The following PTDSS2 variants were observed in gnomAD, a reference collection of about 807,000 sequenced individuals.
PTDSS2 encodes PSS-2.
A neutral mutation model predicts 64.7 loss-of-function variants in PTDSS2; 41 were observed. The ratio of observed to expected loss-of-function variants is 0.63; its 90% CI spans 0.49 to 0.82. The LOEUF (loss-of-function observed/expected upper bound fraction) is 0.82. Ranked by LOEUF, PTDSS2 falls within the 40% of genes least tolerant of loss-of-function variation. The probability of loss-of-function intolerance (pLI) is 0.00; values close to 1 mark genes in which losing one functional copy is unlikely to be tolerated. For missense variants in PTDSS2, 485 were observed against 650.0 expected (o/e 0.75, Z 2.76); for synonymous variants, 297 against 277.8 (o/e 1.07, Z -0.69).
chr11:454,192 T>A (rs1846479385), intron 1 of PTDSS2, among the ~76,000 whole-genome samples: 1 of 152,204 alleles, frequency 6.6e-6, no homozygotes, highest in Non-Finnish European at 1.5e-5. Context: ...TGTGTCCTCC[T>A]GCAGGGCTGC....
At chr11:467,707 C>T (rs1014896578) in intron 2 of PTDSS2, among the ~76,000 whole-genome samples, 4 of 151,922 alleles carry the variant, frequency 2.6e-5, no homozygotes, top group South Asian at 4.1e-4. Flanking sequence ...CACTCCAGCC[C>T]GGGCAACAGT....
upstream of PTDSS2, among the ~76,000 whole-genome samples, chr11:450,088 G>A (rs1286523860): frequency 6.6e-6 from 1 of 152,182 alleles, no homozygotes; most frequent in East Asian, 1.9e-4. Flanking sequence ...GGATGTCTGT[G>A]GTTACCTCCA....
intron 4 of PTDSS2, among the ~76,000 whole-genome samples, chr11:482,246 G>A (rs59229796): frequency 0.21 from 29,298 of 138,254 alleles, 3,210 homozygotes; most frequent in Middle Eastern, 0.3. Context: ...TTTTTGAGAC[G>A]GAGTCTTGCT....
chr11:478,538 G>C (rs1024785227), intron 3 of PTDSS2, among the ~76,000 whole-genome samples: 3 of 152,088 alleles, frequency 2.0e-5, no homozygotes, highest in African/African-American at 7.2e-5. Context: ...TCTGAGGTCA[G>C]GAGTTCGAGA....
intron 1 of PTDSS2, among the ~76,000 whole-genome samples, chr11:452,314 G>A (rs528785800): frequency 6.6e-5 from 10 of 152,268 alleles, no homozygotes; most frequent in Non-Finnish European, 1.3e-4. Context: ...TCTGGTGCAG[G>A]CATGGAACTT....
intron 2 of PTDSS2, among the ~76,000 whole-genome samples, chr11:473,627 C>T (rs796073473): frequency 1.7e-5 from 2 of 114,600 alleles, no homozygotes; most frequent in Non-Finnish European, 3.6e-5. Context: ...CAAATGTGAG[C>T]GCGAATGTCC....
At chr11:472,997 T>C (rs11825931) in intron 2 of PTDSS2, among the ~76,000 whole-genome samples, 56,847 of 152,026 alleles carry the variant, frequency 0.37, 11,371 homozygotes, top group African/African-American at 0.52. Context: ...AGAGGATGGG[T>C]GCATCCGAGC....
intron 4 of PTDSS2, among the ~76,000 whole-genome samples, chr11:486,029 C>T (rs1169948172): frequency 1.3e-5 from 2 of 151,330 alleles, no homozygotes; most frequent in African/African-American, 4.9e-5. Context: ...TCACCGTGTG[C>T]GCAGGCGAGT....
At position 470,055 on chromosome 11, in the gene PTDSS2, A is replaced by T. The variant is rs925302298; in HGVS notation, c.285-3840A>T. Reference sequence around the variant, plus strand: ...CCAACCTTCCCTGCAGAAGGTTTTCAGTAAATGAGGTAGATCCCCCCATTC... The same window carrying T: ...CCAACCTTCCCTGCAGAAGGTTTTCTGTAAATGAGGTAGATCCCCCCATTC... On this transcript the variant is annotated intron_variant, in intron 2 of 11. Transcript: ENST00000308020. This position sits in a 1 kb window ranked among gnomAD's most constrained non-coding sequence, Gnocchi z 5.3. 6.6e-6 allele frequency among the ~76,000 whole-genome samples: 1 copy of T among 152,248 alleles called. No individual in the cohort carries two copies. Among genetic ancestry groups the T allele is most frequent in the Non-Finnish European group, 1.5e-5 (1 of 68,034 alleles).
intron 4 of PTDSS2, among the ~76,000 whole-genome samples, chr11:484,853 G>A (rs1590678446): frequency 1.4e-5 from 2 of 146,992 alleles, no homozygotes; most frequent in East Asian, 2.0e-4. Context: ...CAGTGCACGG[G>A]TGCGTGTGCT....
At chr11:484,683 C>T (rs1170959265) in intron 4 of PTDSS2, among the ~76,000 whole-genome samples, 7 of 145,686 alleles carry the variant, frequency 4.8e-5, no homozygotes, top group South Asian at 2.1e-4. Context: ...ACTGCACGGG[C>T]GTGTGTGCTG....
chr11:482,785 A>G (rs1014461916), intron 4 of PTDSS2, among the ~76,000 whole-genome samples: 6 of 151,038 alleles, frequency 4.0e-5, no homozygotes, highest in Admixed American at 6.6e-5. Flanking sequence ...AGTTTTTCGT[A>G]GATCTCCCTA....
chr11:484,492 C>A (rs1848206389), intron 4 of PTDSS2, among the ~76,000 whole-genome samples: 1 of 152,244 alleles, frequency 6.6e-6, no homozygotes, highest in African/African-American at 2.4e-5. Context: ...CGTCTGTAAA[C>A]ACAGCCAGTG....
intron 2 of PTDSS2, among the ~76,000 whole-genome samples, chr11:468,172 C>A (rs1047551885): frequency 3.3e-5 from 5 of 152,178 alleles, no homozygotes; most frequent in African/African-American, 1.2e-4. Flanking sequence ...CCGGGAGGAA[C>A]CTTAAATACA....
At chr11:457,708 G>T (rs1846663137) in intron 1 of PTDSS2, among the ~76,000 whole-genome samples, 1 of 152,240 alleles carries the variant, frequency 6.6e-6, no homozygotes, top group African/African-American at 2.4e-5. Flanking sequence ...GTAAGTCTTT[G>T]ACTGGACCTG....
chr11:468,441 G>C (rs770295341), intron 2 of PTDSS2, among the ~76,000 whole-genome samples: 4 of 152,274 alleles, frequency 2.6e-5, no homozygotes, highest in African/African-American at 9.6e-5. Context: ...CGAGCAGACC[G>C]TGTGCAGATT....
intron 6 of PTDSS2, among the ~76,000 whole-genome samples, chr11:487,979 C>T (rs78995722): frequency 0.038 from 5,850 of 152,112 alleles, 254 homozygotes; most frequent in East Asian, 0.14. Flanking sequence ...TGCTGCCAGC[C>T]GGGGTGGGGG....
At chr11:487,595 C>A in intron 6 of PTDSS2, 125 bp downstream of exon 6, 1 of 891,582 alleles carries the variant, frequency 1.1e-6, no homozygotes, top group Non-Finnish European at 1.8e-6. Flanking sequence ...TGTCGCACTG[C>A]AGCCACCCAG....
In PTDSS2 at chr11:489,746, G is replaced by A. The variant is rs369571410; in HGVS notation, c.1115+13G>A. 4.0e-5 allele frequency: 64 copies of A among 1,605,798 alleles called. No individual in the cohort carries two copies. The highest frequency in any genetic ancestry group is 4.9e-5 in the Non-Finnish European group (58 of 1,176,416). On this transcript the variant is annotated intron_variant, in intron 10 of 11. Coordinates refer to ENST00000308020, the MANE Select transcript of PTDSS2 (RefSeq NM_030783.3). Reference sequence around the variant, plus strand: ...TCATGGATGACCCGTGAGGGCTGCGGCAGTCCGGGTGGAGACACCCCCGGG... The same window carrying A: ...TCATGGATGACCCGTGAGGGCTGCGACAGTCCGGGTGGAGACACCCCCGGG...
Sources: allele counts gnomAD v4.1 joint callset (sites outside exome capture counted in the v4.1 genomes callset), GRCh38; gene constraint gnomAD v4.1.1; non-coding constraint Gnocchi (gnomAD v3.1); transcripts MANE v1.5; gene names NCBI Gene and HGNC (gene_info 2026-07-23, HGNC 2026-07-21).